The following OR9K2 variants were observed in gnomAD, a reference collection of about 807,000 sequenced individuals.
The protein encoded by OR9K2 is olfactory receptor 9K2.
OR9K2 carries 16 observed loss-of-function variants against 12.4 expected under a neutral mutation model. That is an observed-to-expected ratio of 1.29 (90% CI 0.87 to 1.95). The LOEUF (loss-of-function observed/expected upper bound fraction) is 1.95, where lower values mean the gene tolerates loss of function less well. OR9K2 is among the 30% of genes most tolerant of loss of function. The probability of loss-of-function intolerance (pLI) is 0.00; values close to 1 mark genes in which losing one functional copy is unlikely to be tolerated. For synonymous variants in OR9K2, 133 were observed against 133.2 expected, an observed-to-expected ratio of 1.00 and a Z score of 0.01; for missense variants, 434 against 376.5, an observed-to-expected ratio of 1.15 and a Z score of -1.26.
chr12:55,130,606 G>A lies in OR9K2; in HGVS notation c.772G>A (p.Val258Ile). The stretch of plus-strand genomic sequence containing the variant: ...AGTTGTGAGTGTGCTGTATGGTGCT[G>A]TCTTTTTTATGTATCTCACTCCTGA... ...LGVVSVLYGA[V>I]FFMYLTPDRF... The change falls in exon 3 of 3, where the codon GTC becomes ATC. Residue 258 changes from valine (V) to isoleucine (I), a missense_variant. Val to Ile is a conservative substitution (Grantham distance 29). Transcript: ENST00000641329. 16 of 1,613,860 alleles carry A rather than the reference G, an allele frequency of 9.9e-6. No individual in the cohort carries two copies. Among genetic ancestry groups the A allele is most frequent in the Non-Finnish European group, 1.4e-5 (16 of 1,179,864 alleles).
At position 55,130,253 on chromosome 12, in the gene OR9K2, C is replaced by A. The variant is rs1429349392; in HGVS notation, c.419C>A (p.Ser140Tyr). ...CCTCTGCTCTACTCTGTTCAAATGT[C>A]CACACGTCTGTGTACTCAGTTGGTG... is the stretch of plus-strand genomic sequence containing the variant. ...CNPLLYSVQMSTRLCTQLVAG... is the reference protein window; with the variant it reads ...CNPLLYSVQMYTRLCTQLVAG... Residue 140 changes from serine (S) to tyrosine (Y), a missense_variant, in exon 3 of 3, where the codon TCC becomes TAC. By Grantham distance (144) the Ser-to-Tyr change is moderately radical (BLOSUM62 -2). Coordinates refer to ENST00000641329, the MANE Select transcript of OR9K2 (RefSeq NM_001005243.2). The A allele has an allele frequency of 6.2e-7, 1 of 1,613,952 alleles. No homozygotes were observed. The highest frequency in any genetic ancestry group is 1.3e-5 in the African/African-American group (1 of 74,890).
At position 55,130,113 on chromosome 12, in the gene OR9K2, G is replaced by A. The variant is rs191296102; in HGVS notation, c.279G>A (p.Lys93=). ...KAMINFWSEN[K]SISFAGCVAQ... The stretch of plus-strand genomic sequence containing the variant: ...TGATCAACTTCTGGTCTGAAAACAA[G>A]TCTATCTCCTTTGCAGGCTGTGTGG... Residue 93 remains lysine, a synonymous_variant, in exon 3 of 3, where the codon AAG becomes AAA. Coordinates refer to ENST00000641329, the MANE Select transcript of OR9K2 (RefSeq NM_001005243.2). The A allele has an allele frequency of 3.7e-6, 6 of 1,613,398 alleles. No individual in the cohort carries two copies. Among genetic ancestry groups the A allele is most frequent in the South Asian group, 2.2e-5 (2 of 91,076 alleles).
Position 55,130,880 on chromosome 12 carries a change from G to A in OR9K2, c.*104G>A. 1.5e-6 allele frequency: 1 copy of A among 679,882 alleles called. No homozygotes were observed. The highest frequency in any genetic ancestry group is 2.4e-6 in the Non-Finnish European group (1 of 413,556). The allele number at this position is 679,882 out of a possible 1,614,324, so 42.1% of individuals were successfully genotyped here. A position where few individuals can be genotyped will look rare whatever the true frequency, so the allele number is the denominator to read the frequency against. On this transcript the variant is annotated 3_prime_UTR_variant, in exon 3 of 3. Coordinates refer to ENST00000641329, the MANE Select transcript of OR9K2 (RefSeq NM_001005243.2). ...GAATGTCATAAAAATACTCTTAGAT[G>A]TTTTCATGTGATGTGCTCTTTCCAT...
rs747060076 is a variant in OR9K2 at position 55,129,854 on chromosome 12, G to A, written c.20G>A (p.Ser7Asn). The A allele has an allele frequency of 3.1e-6, 5 of 1,613,700 alleles. No individual in the cohort carries two copies. The highest frequency in any genetic ancestry group is 1.7e-6 in the Non-Finnish European group (2 of 1,179,662). MGDRGTSNHSEMTDFIL... is the reference protein window; with the variant it reads MGDRGTNNHSEMTDFIL... The stretch of plus-strand genomic sequence containing the variant: ...TCTACCATGGGTGACAGGGGAACAA[G>A]CAATCACTCAGAAATGACTGACTTC... Residue 7 changes from serine to asparagine, a missense_variant, in exon 3 of 3, where the codon AGC (serine) becomes AAC (asparagine). Transcript: ENST00000641329.
At position 55,130,053 on chromosome 12, in the gene OR9K2, T is replaced by G. The variant is rs1953458991; in HGVS notation, c.219T>G (p.Asp73Glu). ...TCCTAGGCAATCTCTCCTTCATTGA[T>G]CTTTTCTATTCATCTGTTATTGAAC... ...YFFLGNLSFI[D>E]LFYSSVIEPK... The change falls in exon 3 of 3, where the codon GAT becomes GAG. Residue 73 changes from aspartate to glutamate, a missense_variant. Asp to Glu is a conservative substitution (Grantham distance 45). Transcript: ENST00000641329. 6.2e-7 allele frequency: 1 copy of G among 1,612,702 alleles called. No individual in the cohort carries two copies. The highest frequency in any genetic ancestry group is 1.3e-5 in the African/African-American group (1 of 75,048).
intron 2 of OR9K2, chr12:55,129,618 A>G: frequency 1.6e-6 from 1 of 625,438 alleles, no homozygotes. Flanking sequence ...CCTAACTCTA[A>G]CACTTAAAGA....
Position 55,132,637 on chromosome 12 carries a change from T to C in OR9K2, c.*1861T>C, listed in dbSNP as rs1477496255. The C allele has an allele frequency of 5.3e-5, 8 of 152,200 alleles. No individual in the cohort carries two copies. Among genetic ancestry groups the C allele is most frequent in the Admixed American group, 5.2e-4 (8 of 15,274 alleles). The allele number at this position is 152,200 out of a possible 1,614,324, so 9.4% of individuals were successfully genotyped here. Reference sequence around the variant, plus strand: ...GTTTAAGAACCCAGTGTGTGGTGTTTTGTTATGGGATCTCCAGCAAATTCA... The same window carrying C: ...GTTTAAGAACCCAGTGTGTGGTGTTCTGTTATGGGATCTCCAGCAAATTCA... On this transcript the variant is annotated 3_prime_UTR_variant, in exon 3 of 3. Coordinates refer to ENST00000641329, the MANE Select transcript of OR9K2 (RefSeq NM_001005243.2).
chr12:55,129,022 C>A (rs1953448368), intron 2 of OR9K2, among the ~76,000 whole-genome samples: 2 of 152,008 alleles, frequency 1.3e-5, no homozygotes, highest in South Asian at 4.1e-4. Flanking sequence ...AGGCTTAATA[C>A]CCTGGTGATT....
chr12:55,130,961 A>C lies in OR9K2; in HGVS notation c.*185A>C. 4.0e-6 allele frequency: 2 copies of C among 501,934 alleles called. No homozygotes were observed. Among genetic ancestry groups the C allele is most frequent in the Middle Eastern group, 1.0e-3 (2 of 1,908 alleles). The allele number at this position is 501,934 out of a possible 1,614,324, so 31.1% of individuals were successfully genotyped here. ...TAATTCTGAAAATCTTGGATATTGG[A>C]GATATCCTGGACATTAGAGAAGTAT... On this transcript the variant is annotated 3_prime_UTR_variant, in exon 3 of 3. Coordinates refer to ENST00000641329, the MANE Select transcript of OR9K2 (RefSeq NM_001005243.2).
intron 2 of OR9K2, among the ~76,000 whole-genome samples, 198 bp downstream of exon 2, chr12:55,127,109 T>C (rs1429867854): frequency 3.3e-5 from 5 of 151,958 alleles, no homozygotes; most frequent in African/African-American, 1.2e-4. Flanking sequence ...TTTTATATTC[T>C]CTGATTCCAC....
rs1038253371 is a variant in OR9K2 at position 55,132,011 on chromosome 12, G to C, written c.*1235G>C. 6.6e-6 allele frequency: 1 copy of C among 152,190 alleles called. No homozygotes were observed. The highest frequency in any genetic ancestry group is 2.4e-5 in the African/African-American group (1 of 41,444). 9.4% of individuals were successfully genotyped at this position (152,190 alleles called of 1,614,324 possible). A position where few individuals can be genotyped will look rare whatever the true frequency, so the allele number is the denominator to read the frequency against. On this transcript the variant is annotated 3_prime_UTR_variant, in exon 3 of 3. Transcript: ENST00000641329. ...TATGTTAGCCCATTTTTGAAATTGA[G>C]TGTGTGCATGGTCATGGTCTGAATA...
Position 55,130,352 on chromosome 12 carries a change from C to T in OR9K2, c.518C>T (p.Ala173Val). ...TSMTFTLSFC[A>V]SRAVDHFYCD... is the part of the protein sequence containing the mutation. The stretch of plus-strand genomic sequence containing the variant: ...ATGACATTTACTTTATCTTTTTGCG[C>T]TTCTCGGGCTGTTGACCACTTTTAC... The change falls in exon 3 of 3, where the codon GCT becomes GTT. Residue 173 changes from alanine to valine, a missense_variant. Physicochemically the swap from Ala to Val is moderately conservative, Grantham distance 64. Coordinates refer to ENST00000641329, the MANE Select transcript of OR9K2 (RefSeq NM_001005243.2). 2 of 1,613,998 alleles carry T rather than the reference C, an allele frequency of 1.2e-6. No homozygotes were observed. The highest frequency in any genetic ancestry group is 1.7e-6 in the Non-Finnish European group (2 of 1,179,942).
intron 2 of OR9K2, among the ~76,000 whole-genome samples, chr12:55,128,223 C>T (rs1478736): frequency 0.33 from 49,301 of 151,212 alleles, 8,288 homozygotes; most frequent in Middle Eastern, 0.4. Context: ...TAATATGTAA[C>T]CTCAATATTA....
At position 55,130,527 on chromosome 12, in the gene OR9K2, A is replaced by G; in HGVS notation, c.693A>G (p.Ile231Met). The G allele has an allele frequency of 1.2e-6, 2 of 1,613,816 alleles. No individual in the cohort carries two copies. The highest frequency in any genetic ancestry group is 1.7e-6 in the Non-Finnish European group (2 of 1,179,778). The change falls in exon 3 of 3, where the codon ATA (isoleucine) becomes ATG (methionine). Residue 231 changes from isoleucine to methionine, a missense_variant. By Grantham distance (10) the Ile-to-Met change is conservative. Coordinates refer to ENST00000641329, the MANE Select transcript of OR9K2 (RefSeq NM_001005243.2). ...ATATTGTGTCCACAGTTCTAAAGATACATTCTACTGAGGGACATAAGAAGG... is the reference window on the plus strand; with the variant it reads ...ATATTGTGTCCACAGTTCTAAAGATGCATTCTACTGAGGGACATAAGAAGG... ...YMYIVSTVLK[I>M]HSTEGHKKAF... is the part of the protein sequence containing the mutation.
rs757413007 is a variant in OR9K2 at position 55,130,008 on chromosome 12, G to A, written c.174G>A (p.Leu58=). 4.3e-6 allele frequency: 7 copies of A among 1,613,558 alleles called. No homozygotes were observed. Among genetic ancestry groups the A allele is most frequent in the East Asian group, 4.5e-5 (2 of 44,886 alleles). ...MMTIIMTDPR[L]NTPMYFFLGN... The stretch of plus-strand genomic sequence containing the variant: ...CCATTATTATGACTGATCCTCGGCT[G>A]AACACACCAATGTATTTTTTCCTAG... Residue 58 remains leucine, a synonymous_variant, in exon 3 of 3, where the codon CTG becomes CTA. Coordinates refer to ENST00000641329, the MANE Select transcript of OR9K2 (RefSeq NM_001005243.2).
rs910006479 is a variant in OR9K2, at chr12:55,132,346, A to G, written c.*1570A>G. 2.6e-5 allele frequency: 4 copies of G among 152,240 alleles called. No individual in the cohort carries two copies. The highest frequency in any genetic ancestry group is 9.6e-5 in the African/African-American group (4 of 41,474). The allele number at this position is 152,240 out of a possible 1,614,324, so 9.4% of individuals were successfully genotyped here. On this transcript the variant is annotated 3_prime_UTR_variant, in exon 3 of 3. Coordinates refer to ENST00000641329, the MANE Select transcript of OR9K2 (RefSeq NM_001005243.2). The stretch of plus-strand genomic sequence containing the variant: ...CTTCAGAATGTGACTTTAATTAGTG[A>G]TAGGGTCTTCAAAGATGTAATTGAG...
chr12:55,130,894 T>A lies in OR9K2; in HGVS notation c.*118T>A. 1 of 633,726 alleles carries A rather than the reference T, an allele frequency of 1.6e-6. No individual in the cohort carries two copies. The highest frequency in any genetic ancestry group is 2.6e-6 in the Non-Finnish European group (1 of 378,938). The allele number at this position is 633,726 out of a possible 1,614,324, so 39.3% of individuals were successfully genotyped here. A position where few individuals can be genotyped will look rare whatever the true frequency, so the allele number is the denominator to read the frequency against. Reference sequence around the variant, plus strand: ...TACTCTTAGATGTTTTCATGTGATGTGCTCTTTCCATATTTTACTTTTTTA... The same window carrying A: ...TACTCTTAGATGTTTTCATGTGATGAGCTCTTTCCATATTTTACTTTTTTA... On this transcript the variant is annotated 3_prime_UTR_variant, in exon 3 of 3. Transcript: ENST00000641329.
rs541793230 is a variant in OR9K2, at chr12:55,128,671, A to G, written c.-9-1155A>G. On this transcript the variant is annotated intron_variant, in intron 2 of 2. Transcript: ENST00000641329. ...CATATTTGTTATTATTGTTGCCTAG[A>G]CAGAATCATGCACATAAAGCCCTTA... 6.6e-5 allele frequency among the ~76,000 whole-genome samples: 10 copies of G among 152,290 alleles called. No individual in the cohort carries two copies. The East Asian group carries it at 1.7e-3, about 26-fold the overall frequency.
In OR9K2 at chr12:55,130,895, G is replaced by T. The variant is rs1592490341; in HGVS notation, c.*119G>T. ...ACTCTTAGATGTTTTCATGTGATGT[G>T]CTCTTTCCATATTTTACTTTTTTAC... On this transcript the variant is annotated 3_prime_UTR_variant, in exon 3 of 3. Transcript: ENST00000641329. 3 of 628,674 alleles carry T rather than the reference G, an allele frequency of 4.8e-6. No homozygotes were observed. Among genetic ancestry groups the T allele is most frequent in the Admixed American group, 6.3e-5 (2 of 31,670 alleles). 38.9% of individuals were successfully genotyped at this position (628,674 alleles called of 1,614,324 possible).
Sources: allele counts gnomAD v4.1 joint callset (sites outside exome capture counted in the v4.1 genomes callset), GRCh38; gene constraint gnomAD v4.1.1; transcripts MANE v1.5; gene names NCBI Gene and HGNC (gene_info 2026-07-23, HGNC 2026-07-21).